The following CCND3 variants were observed in gnomAD, a reference collection of about 807,000 sequenced individuals.
CCND3 encodes cyclin D3.
A neutral mutation model predicts 28.7 loss-of-function variants in CCND3; 9 were observed. The ratio of observed to expected loss-of-function variants is 0.31; its 90% confidence interval spans 0.19 to 0.55. The LOEUF is 0.55. CCND3 is among the 20% of genes least tolerant of loss of function. CCND3 has a pLI of 0.93. For synonymous variants in CCND3, 164 were observed against 163.9 expected (o/e 1.00, Z 0.00); for missense variants, 315 against 385.8 (o/e 0.82, Z 1.54).
intron 1 of CCND3, among the ~76,000 whole-genome samples, chr6:41,991,691 T>C (rs892761889): frequency 2.0e-5 from 3 of 152,302 alleles, no homozygotes; most frequent in African/African-American, 4.8e-5. Flanking sequence ...CTGGAACTTA[T>C]TCCTCCTATG....
chr6:41,940,679 A>C (rs1225760321), intron 1 of CCND3, 94 bp from the exon 2 acceptor site: 1 of 900,208 alleles, frequency 1.1e-6, no homozygotes, highest in African/African-American at 1.6e-5. Context: ...GATAGGGAGC[A>C]AAAACGGCAG....
intron 1 of CCND3, among the ~76,000 whole-genome samples, chr6:42,022,622 G>C (rs915001710): frequency 2.0e-4 from 31 of 152,202 alleles, no homozygotes; most frequent in African/African-American, 6.5e-4. Context: ...CAACCGCCAG[G>C]GGGTCTTCCC....
intron 1 of CCND3, among the ~76,000 whole-genome samples, chr6:42,023,275 C>T (rs1763766519): frequency 6.6e-6 from 1 of 152,118 alleles, no homozygotes; most frequent in African/African-American, 2.4e-5. Context: ...TGAAATGGCC[C>T]CCGAGCCTAG....
intron 1 of CCND3, among the ~76,000 whole-genome samples, chr6:41,963,223 C>A (rs1366239166): frequency 6.6e-6 from 1 of 152,222 alleles, no homozygotes; most frequent in Admixed American, 6.5e-5. Flanking sequence ...CCAATCTCCA[C>A]CTCTTGAAAT....
At chr6:42,005,230 C>G (rs1450699121) in intron 1 of CCND3, among the ~76,000 whole-genome samples, 2 of 151,976 alleles carry the variant, frequency 1.3e-5, no homozygotes. Context: ...CCCAGAAATG[C>G]AAAGAAAATT....
intron 1 of CCND3, among the ~76,000 whole-genome samples, chr6:42,034,731 G>A (rs1014536501): frequency 6.6e-6 from 1 of 152,044 alleles, no homozygotes; most frequent in African/African-American, 2.4e-5. Context: ...GGCCGCCTCG[G>A]CCTCCCAAAG....
intron 1 of CCND3, among the ~76,000 whole-genome samples, chr6:41,966,193 TCCTGATCACCTGGTAAG>T (rs2127406302): frequency 6.6e-6 from 1 of 152,294 alleles, no homozygotes; most frequent in South Asian, 2.1e-4. Context: ...TGGCTTCAGG[TCCTGATCACCTGGTAAG>T]CTTGTTAATT....
chr6:41,935,127 G>C lies in CCND3; in HGVS notation c.*813C>G, dbSNP rs1448044656. On this transcript the variant is annotated 3_prime_UTR_variant, in exon 5 of 5. Coordinates refer to ENST00000372991, the MANE Select transcript of CCND3 (RefSeq NM_001760.5). Reference sequence around the variant, plus strand: ...TTCCCTGCTGGAGGATGGGGCAGAGGGACAATGGGAGAGGAGGGCATGACC... The same window carrying C: ...TTCCCTGCTGGAGGATGGGGCAGAGCGACAATGGGAGAGGAGGGCATGACC... The C allele has an allele frequency of 8.6e-6, 2 of 233,184 alleles. No homozygotes were observed. Among genetic ancestry groups the C allele is most frequent in the East Asian group, 1.2e-4 (2 of 16,608 alleles). 14.4% of individuals were successfully genotyped at this position (233,184 alleles called of 1,614,324 possible). A position where few individuals can be genotyped will look rare whatever the true frequency, so the allele number is the denominator to read the frequency against.
chr6:42,035,867 G>A (rs1235004165), intron 1 of CCND3, among the ~76,000 whole-genome samples: 7 of 151,754 alleles, frequency 4.6e-5, no homozygotes, highest in Non-Finnish European at 7.4e-5. Flanking sequence ...TAGTAGAGAC[G>A]GGGTTTCACC....
intron 1 of CCND3, among the ~76,000 whole-genome samples, chr6:41,984,369 G>A (rs575684943): frequency 2.0e-5 from 3 of 152,154 alleles, no homozygotes; most frequent in African/African-American, 4.8e-5. Flanking sequence ...TGTTTGAGAC[G>A]CAGTTTCGCT....
At chr6:42,005,403 G>A (rs984821862) in intron 1 of CCND3, among the ~76,000 whole-genome samples, 2 of 151,852 alleles carry the variant, frequency 1.3e-5, no homozygotes, top group Admixed American at 6.6e-5. Context: ...TTAGTTGGGC[G>A]TGGTGGTGCA....
At chr6:42,000,234 CTTTTT>C (rs70987562) in intron 1 of CCND3, among the ~76,000 whole-genome samples, 1,642 of 50,888 alleles carry the variant, frequency 0.032, 15 homozygotes, top group South Asian at 0.1. Flanking sequence ...TGAAAACATA[CTTTTT>C]TTTTTTTTTT....
chr6:42,047,500 G>C (rs1298886983), intron 1 of CCND3, among the ~76,000 whole-genome samples: 1 of 152,170 alleles, frequency 6.6e-6, no homozygotes, highest in Non-Finnish European at 1.5e-5. Flanking sequence ...CTCGTCAGAG[G>C]AAACAGTCTC....
At chr6:41,957,192 C>G (rs1776460785) in intron 1 of CCND3, among the ~76,000 whole-genome samples, 1 of 152,252 alleles carries the variant, frequency 6.6e-6, no homozygotes, top group South Asian at 2.1e-4. Flanking sequence ...CAGAGAGCCT[C>G]ATCTTCACAT....
intron 1 of CCND3, among the ~76,000 whole-genome samples, chr6:41,963,915 T>C (rs1761784313): frequency 6.6e-6 from 1 of 152,232 alleles, no homozygotes; most frequent in African/African-American, 2.4e-5. Context: ...CATTTTCACC[T>C]TTCCTGATCT....
chr6:41,975,592 G>C (rs894086428), intron 1 of CCND3, among the ~76,000 whole-genome samples: 2 of 152,134 alleles, frequency 1.3e-5, no homozygotes, highest in African/African-American at 2.4e-5. Flanking sequence ...GGGGTAGTCA[G>C]TGGGGAATCC....
At position 41,953,266 on chromosome 6, in the gene CCND3, CAA is replaced by C. The variant is rs35555377; in HGVS notation, c.-45-12683_-45-12682del. Among the ~76,000 whole-genome samples, 424 of 140,558 alleles carry C rather than the reference CAA, an allele frequency of 3.0e-3. 2 individuals carry two copies. Among genetic ancestry groups the C allele is most frequent in the Middle Eastern group, 3.7e-3 (1 of 270 alleles). 92.2% of individuals were successfully genotyped at this position (140,558 alleles called of 152,430 possible). ...GGTGACAGAGTGAGACTCCCTCTCA[CAA>C]AAAAAAAAAAAAAGGTGCAAAACAT... On this transcript the variant is annotated intron_variant, in intron 1 of 4. Coordinates refer to the CCND3 transcript ENST00000372988.
Position 41,941,633 on chromosome 6 carries a change from C to T in CCND3, c.17G>A (p.Cys6Tyr). 1 of 1,506,948 alleles carries T rather than the reference C, an allele frequency of 6.6e-7. No homozygotes were observed. The highest frequency in any genetic ancestry group is 8.9e-7 in the Non-Finnish European group (1 of 1,126,488). The allele number at this position is 1,506,948 out of a possible 1,614,324, so 93.3% of individuals were successfully genotyped here. Reference sequence around the variant, plus strand: ...CCGGGGCGCGTGCCGGGTGCCTTCGCAACACAGCAGCTCCATACTCGGGCA... The same window carrying T: ...CCGGGGCGCGTGCCGGGTGCCTTCGTAACACAGCAGCTCCATACTCGGGCA... The part of the protein sequence containing the change: MELLC[C>Y]EGTRHAPRAG... Residue 6 changes from cysteine to tyrosine, a missense_variant, in exon 1 of 5, where the codon TGC (cysteine) becomes TAC (tyrosine). Physicochemically the swap from Cys to Tyr is radical, Grantham distance 194. Coordinates refer to ENST00000372991, the MANE Select transcript of CCND3 (RefSeq NM_001760.5). The surrounding 1 kb of genome is among the most constrained non-coding windows in gnomAD (Gnocchi z 6.1).
At position 41,941,389 on chromosome 6, in the gene CCND3, A is replaced by G; in HGVS notation, c.198+63T>C. ...GCTGTGGGGACCGGGATGTCCCGAC[A>G]GGGCGGCCCCGGTGTGTCCAGACCC... On this transcript the variant is annotated intron_variant, in intron 1 of 4. Transcript: ENST00000372991. The surrounding 1 kb of genome is among the most constrained non-coding windows in gnomAD (Gnocchi z 6.1). 6.3e-7 allele frequency: 1 copy of G among 1,575,428 alleles called. No homozygotes were observed. Among genetic ancestry groups the G allele is most frequent in the East Asian group, 2.3e-5 (1 of 42,834 alleles).
Sources: allele counts gnomAD v4.1 joint callset (sites outside exome capture counted in the v4.1 genomes callset), GRCh38; gene constraint gnomAD v4.1.1; non-coding constraint Gnocchi (gnomAD v3.1); transcripts MANE v1.5; gene names NCBI Gene and HGNC (gene_info 2026-07-23, HGNC 2026-07-21).